The following ZNF831 variants were observed in gnomAD, a reference collection of about 807,000 sequenced individuals.
The protein encoded by ZNF831 is chromosome 20 open reading frame 174.
In ZNF831, 59 loss-of-function variants were observed where a neutral mutation model predicts 95.8. That is an observed-to-expected ratio of 0.62 (90% CI 0.50 to 0.77). ZNF831 has a LOEUF of 0.77. Ranked by LOEUF, ZNF831 falls within the 30% of genes least tolerant of loss-of-function variation. The pLI is 0.00. For missense variants in ZNF831, 2,205 were observed against 2,164.0 expected, an observed-to-expected ratio of 1.02 and a Z score of -0.38; for synonymous variants, 961 against 925.5, an observed-to-expected ratio of 1.04 and a Z score of -0.70.
chr20:59,200,480 T>C (rs1044164542), intron 3 of ZNF831, among the ~76,000 whole-genome samples: 3 of 152,208 alleles, frequency 2.0e-5, no homozygotes, highest in Non-Finnish European at 2.9e-5. Flanking sequence ...TAAAGTATAA[T>C]TAAATTTTAA....
intron 1 of ZNF831, among the ~76,000 whole-genome samples, chr20:59,173,528 G>A (rs1465832098): frequency 6.6e-6 from 1 of 152,186 alleles, no homozygotes; most frequent in Non-Finnish European, 1.5e-5. Flanking sequence ...CTGCCATACA[G>A]CAGGAGCAGA....
intron 4 of ZNF831, among the ~76,000 whole-genome samples, chr20:59,232,613 G>T (rs1986785087): frequency 6.6e-6 from 1 of 152,110 alleles, no homozygotes; most frequent in Non-Finnish European, 1.5e-5. Context: ...AGATTTTGAA[G>T]TGGAAAAATA....
chr20:59,189,550 C>T (rs1319604596), intron 1 of ZNF831, among the ~76,000 whole-genome samples: 1 of 152,122 alleles, frequency 6.6e-6, no homozygotes, highest in Non-Finnish European at 1.5e-5. Flanking sequence ...TTCACTTTCT[C>T]ACCCAGGCTG....
At chr20:59,253,864 CCCCA>C in intron 5 of ZNF831, 30 bp from the exon 6 acceptor site, 58 of 1,117,882 alleles carry the variant, frequency 5.2e-5, no homozygotes, top group African/African-American at 7.3e-5. Flanking sequence ...TAACCTCCCC[CCCCA>C]CTTTTTTTTT....
intron 1 of ZNF831, among the ~76,000 whole-genome samples, chr20:59,179,195 G>A (rs190762290): frequency 3.3e-5 from 5 of 152,280 alleles, no homozygotes; most frequent in Admixed American, 3.3e-4. Context: ...CCTCACACCA[G>A]GTCACACATG....
intron 2 of ZNF831, among the ~76,000 whole-genome samples, chr20:59,158,139 G>T (rs1453096603): frequency 6.6e-6 from 1 of 152,202 alleles, no homozygotes; most frequent in Non-Finnish European, 1.5e-5. Flanking sequence ...CTCTGGCTTT[G>T]CTTCTGTTCC....
At chr20:59,206,152 G>A (rs1228890496) in intron 3 of ZNF831, among the ~76,000 whole-genome samples, 2 of 152,066 alleles carry the variant, frequency 1.3e-5, no homozygotes. Context: ...TCCTCCAGAT[G>A]GAAGGTCTAT....
intron 1 of ZNF831, among the ~76,000 whole-genome samples, chr20:59,167,878 GA>G (rs1004471694): frequency 6.7e-6 from 1 of 149,164 alleles, no homozygotes; most frequent in Non-Finnish European, 1.5e-5. Flanking sequence ...CATCTCAAAA[GA>G]AAAAAAAATC....
intron 2 of ZNF831, among the ~76,000 whole-genome samples, chr20:59,156,856 T>G: frequency 6.6e-6 from 1 of 152,254 alleles, no homozygotes; most frequent in South Asian, 2.1e-4. Flanking sequence ...AAAGGTGGAA[T>G]AAACATCTCA....
intron 3 of ZNF831, among the ~76,000 whole-genome samples, chr20:59,196,326 TG>T (rs1274125455): frequency 6.6e-6 from 1 of 152,200 alleles, no homozygotes; most frequent in African/African-American, 2.4e-5. Flanking sequence ...ATGCAAGCAA[TG>T]AATGTCCTTT....
In ZNF831 at chr20:59,258,492, G is replaced by T. The variant is rs941515168; in HGVS notation, c.*3749G>T. 6.6e-6 allele frequency: 1 copy of T among 152,594 alleles called. No homozygotes were observed. Among genetic ancestry groups the T allele is most frequent in the Admixed American group, 6.5e-5 (1 of 15,284 alleles). 9.5% of individuals were successfully genotyped at this position (152,594 alleles called of 1,614,324 possible). A position where few individuals can be genotyped will look rare whatever the true frequency, so the allele number is the denominator to read the frequency against. On this transcript the variant is annotated 3_prime_UTR_variant, in exon 6 of 6. Transcript: ENST00000371030. The stretch of plus-strand genomic sequence containing the variant: ...TTGCCTGGTGCAGCAGATCTTTATA[G>T]TTATGGAAACTGTCATCATTATCGG...
At position 59,193,913 on chromosome 20, in the gene ZNF831, A is replaced by G. The variant is rs1273671446; in HGVS notation, c.2894A>G (p.Asp965Gly). Residue 965 changes from aspartate (D) to glycine (G), a missense_variant, in exon 2 of 6, where the codon GAC (aspartate) becomes GGC (glycine). Coordinates refer to ENST00000371030, the MANE Select transcript of ZNF831 (RefSeq NM_178457.3). Reference sequence around the variant, plus strand: ...CCCTGGGGACCAAGGCACAGCCAGGACTCTCTCTGCAGCAGTGGGTGGCCT... The same window carrying G: ...CCCTGGGGACCAAGGCACAGCCAGGGCTCTCTCTGCAGCAGTGGGTGGCCT... ...PIPWGPRHSQ[D>G]SLCSSGWPEE... 1 of 1,602,398 alleles carries G rather than the reference A, an allele frequency of 6.2e-7. No individual in the cohort carries two copies.
At chr20:59,203,924 C>G (rs574597692) in intron 3 of ZNF831, among the ~76,000 whole-genome samples, 8 of 152,306 alleles carry the variant, frequency 5.3e-5, no homozygotes, top group African/African-American at 1.9e-4. Context: ...ACCTCCCTGC[C>G]TTGCCCAAAG....
At chr20:59,195,631 C>T (rs1399074214) in intron 2 of ZNF831, among the ~76,000 whole-genome samples, 2 of 152,150 alleles carry the variant, frequency 1.3e-5, no homozygotes, top group African/African-American at 2.4e-5. Flanking sequence ...CAGTTAACAC[C>T]GATGGCATAG....
At chr20:59,163,005 G>A (rs908388325), upstream of ZNF831, among the ~76,000 whole-genome samples, 48 of 146,306 alleles carry the variant, frequency 3.3e-4, no homozygotes, top group African/African-American at 1.2e-3. Context: ...TTGGTTAGAT[G>A]TATTCCTAGG....
At chr20:59,186,942 GAA>G (rs79609582) in intron 1 of ZNF831, among the ~76,000 whole-genome samples, 8 of 133,824 alleles carry the variant, frequency 6.0e-5, no homozygotes, top group Admixed American at 7.6e-5. Flanking sequence ...CTTTCAGGAT[GAA>G]AAAAAAAAAA....
chr20:59,144,716 C>T (rs1269684687), intron 1 of ZNF831, among the ~76,000 whole-genome samples: 1 of 152,202 alleles, frequency 6.6e-6, no homozygotes. Context: ...ATTCTTTCCT[C>T]TCCTACCCCC....
chr20:59,130,998 G>T (rs1979335941), intron 1 of ZNF831, among the ~76,000 whole-genome samples: 1 of 152,188 alleles, frequency 6.6e-6, no homozygotes, highest in Non-Finnish European at 1.5e-5. Context: ...GAAGCATGTG[G>T]TGCATGGTAG....
At chr20:59,182,451 G>A (rs1382246403) in intron 1 of ZNF831, among the ~76,000 whole-genome samples, 4 of 152,046 alleles carry the variant, frequency 2.6e-5, no homozygotes, top group African/African-American at 9.7e-5. Context: ...TCACAGGGAG[G>A]GGGTAAGTGG....
Sources: allele counts gnomAD v4.1 joint callset (sites outside exome capture counted in the v4.1 genomes callset), GRCh38; gene constraint gnomAD v4.1.1; transcripts MANE v1.5; gene names NCBI Gene and HGNC (gene_info 2026-07-23, HGNC 2026-07-21).